Variants in GAS2 observed in about 807,000 individuals in gnomAD.
GAS2 encodes growth arrest-specific protein 2.
GAS2 carries 20 observed loss-of-function variants against 37.5 expected under a neutral mutation model. The ratio of observed to expected loss-of-function variants is 0.53; its 90% CI spans 0.37 to 0.77. The LOEUF (loss-of-function observed/expected upper bound fraction) is 0.77. Among genes scored for constraint, GAS2 ranks in the 30% least tolerant of loss-of-function variants. GAS2 has a pLI of 0.00. For synonymous variants in GAS2, 144 were observed against 132.2 expected, an observed-to-expected ratio of 1.09 and a Z score of -0.61; for missense variants, 336 against 373.4, an observed-to-expected ratio of 0.90 and a Z score of 0.82.
intron 1 of GAS2, among the ~76,000 whole-genome samples, chr11:22,646,678 T>A (rs1223673412): frequency 6.6e-6 from 1 of 152,226 alleles, no homozygotes; most frequent in African/African-American, 2.4e-5. Flanking sequence ...TTTGCCTCTG[T>A]TAAATTGTAT....
intron 7 of GAS2, among the ~76,000 whole-genome samples, chr11:22,777,278 C>A (rs1855307409): frequency 6.6e-6 from 1 of 152,122 alleles, no homozygotes; most frequent in South Asian, 2.1e-4. Flanking sequence ...ATCTGTCAGA[C>A]AATAGGCATT....
At chr11:22,798,283 A>G (rs879419157) in intron 7 of GAS2, among the ~76,000 whole-genome samples, 2 of 151,960 alleles carry the variant, frequency 1.3e-5, no homozygotes, top group African/African-American at 4.8e-5. Context: ...TTTATTATTG[A>G]GTCTACACCA....
chr11:22,717,882 A>T (rs1002472501), intron 3 of GAS2, among the ~76,000 whole-genome samples: 1 of 152,188 alleles, frequency 6.6e-6, no homozygotes, highest in Non-Finnish European at 1.5e-5. Flanking sequence ...GCTCAACATC[A>T]CTAATTATCA....
chr11:22,754,221 G>T (rs957743814), intron 6 of GAS2, among the ~76,000 whole-genome samples: 15 of 151,962 alleles, frequency 9.9e-5, no homozygotes, highest in Non-Finnish European at 1.9e-4. Flanking sequence ...GACCTGTATA[G>T]ATTCATGTTC....
In GAS2 at chr11:22,742,601, C is replaced by T. The variant is rs995073400; in HGVS notation, c.473+4833C>T. ...TGAAGTATTCAAAAGCCAATATAAG[C>T]AGAGATTTGGGACTTAGTGTTGATT... On this transcript the variant is annotated intron_variant, in intron 5 of 7. Coordinates refer to ENST00000454584, the MANE Select transcript of GAS2 (RefSeq NM_001143830.3). Among the ~76,000 whole-genome samples, 5 of 152,038 alleles carry T rather than the reference C, an allele frequency of 3.3e-5. No homozygotes were observed. The East Asian group carries it at 5.8e-4, about 18-fold the overall frequency.
At chr11:22,710,027 G>A (rs970182769) in intron 3 of GAS2, among the ~76,000 whole-genome samples, 1 of 147,524 alleles carries the variant, frequency 6.8e-6, no homozygotes, top group South Asian at 2.3e-4. Context: ...TAGGGGGAGG[G>A]GGGAGGGATA....
At position 22,759,447 on chromosome 11, in the gene GAS2, C is replaced by T. The variant is rs544435293; in HGVS notation, c.723+3494C>T. ...AACCTCTGAGGATTTAGGAAAACATCCTAATAATCCATTGCCAAATGGGAA... is the reference window on the plus strand; with the variant it reads ...AACCTCTGAGGATTTAGGAAAACATTCTAATAATCCATTGCCAAATGGGAA... On this transcript the variant is annotated intron_variant, in intron 7 of 7. Transcript: ENST00000454584. Among the ~76,000 whole-genome samples, 5 of 152,250 alleles carry T rather than the reference C, an allele frequency of 3.3e-5. No homozygotes were observed. The South Asian group carries it at 1.0e-3, about 32-fold the overall frequency.
chr11:22,793,063 C>G (rs1469807540), intron 7 of GAS2, among the ~76,000 whole-genome samples: 1 of 152,132 alleles, frequency 6.6e-6, no homozygotes, highest in African/African-American at 2.4e-5. Flanking sequence ...CACCTGAGGT[C>G]AGGAGTTCAA....
At chr11:22,756,963 A>T (rs189257926) in intron 7 of GAS2, among the ~76,000 whole-genome samples, 1 of 152,254 alleles carries the variant, frequency 6.6e-6, no homozygotes, top group Admixed American at 6.5e-5. Context: ...ATGTTAGTAC[A>T]TTAAATAATA....
intron 3 of GAS2, among the ~76,000 whole-genome samples, chr11:22,703,708 G>A (rs1318998885): frequency 2.0e-5 from 3 of 152,096 alleles, no homozygotes; most frequent in African/African-American, 7.2e-5. Context: ...TTTTAGATGA[G>A]GTAACTGAGT....
intron 5 of GAS2, among the ~76,000 whole-genome samples, chr11:22,738,212 T>C (rs1305538034): frequency 6.6e-6 from 1 of 152,218 alleles, no homozygotes; most frequent in Non-Finnish European, 1.5e-5. Context: ...TTTGCTCTTT[T>C]AGTTTCCACT....
rs1238046644 is a variant in GAS2 at position 22,782,736 on chromosome 11, A to AT, written c.723+26783_723+26784insT. Among the ~76,000 whole-genome samples the AT allele has an allele frequency of 2.5e-3, 380 of 149,034 alleles. 2 individuals carry two copies. The highest frequency in any genetic ancestry group is 8.9e-3 in the African/African-American group (357 of 39,992). On this transcript the variant is annotated intron_variant, in intron 7 of 7. Coordinates refer to ENST00000454584, the MANE Select transcript of GAS2 (RefSeq NM_001143830.3). Reference sequence around the variant, plus strand: ...TGCATCCATGTTGCTGCAAAAAAAAAAAAAATAATAATAATAATGTGATTT... The same window carrying AT: ...TGCATCCATGTTGCTGCAAAAAAAAATAAAAATAATAATAATAATGTGATTT...
At chr11:22,725,099 T>C (rs1852136387) in intron 3 of GAS2, among the ~76,000 whole-genome samples, 1 of 152,100 alleles carries the variant, frequency 6.6e-6, no homozygotes, top group Non-Finnish European at 1.5e-5. Flanking sequence ...GAAGTCATGC[T>C]CATTCTTTCA....
At chr11:22,776,682 C>T (rs759223787) in intron 7 of GAS2, among the ~76,000 whole-genome samples, 4 of 152,164 alleles carry the variant, frequency 2.6e-5, no homozygotes, top group Non-Finnish European at 5.9e-5. Flanking sequence ...ATAGAACATG[C>T]TGACATGTAC....
chr11:22,702,562 G>A (rs1850898762), intron 3 of GAS2: 1 of 152,114 alleles, frequency 6.6e-6, no homozygotes, highest in South Asian at 2.1e-4. Flanking sequence ...TAAGCAAATG[G>A]CAAAAGTAAA....
intron 7 of GAS2, among the ~76,000 whole-genome samples, chr11:22,810,210 T>C (rs1251913267): frequency 6.6e-6 from 1 of 152,076 alleles, no homozygotes. Flanking sequence ...AATGTAGCCA[T>C]GAAAACAGGA....
intron 3 of GAS2, among the ~76,000 whole-genome samples, chr11:22,689,204 C>G (rs1045037434): frequency 1.3e-5 from 2 of 152,050 alleles, no homozygotes; most frequent in African/African-American, 4.8e-5. Context: ...GGTGATGAAA[C>G]CATTTATATA....
chr11:22,707,435 A>G (rs1001078477), intron 3 of GAS2, among the ~76,000 whole-genome samples: 6 of 152,176 alleles, frequency 3.9e-5, no homozygotes, highest in African/African-American at 1.4e-4. Context: ...TTCAGTTGTA[A>G]GCTGTTAAGA....
At chr11:22,716,503 C>A (rs598168) in intron 3 of GAS2, among the ~76,000 whole-genome samples, 1 of 151,800 alleles carries the variant, frequency 6.6e-6, no homozygotes. Flanking sequence ...AGTCAGGCAC[C>A]ATGACACACA....
Sources: gnomAD v4.1 joint callset for allele counts (sites outside exome capture counted in the v4.1 genomes callset) on GRCh38, gnomAD v4.1.1 for gene constraint, MANE v1.5 for transcripts, NCBI Gene and HGNC (gene_info 2026-07-23, HGNC 2026-07-21) for gene names.